TNFRSF11A: variants seen among roughly 807,000 people sequenced by gnomAD.
TNFRSF11A encodes the protein tumor necrosis factor receptor superfamily member 11A.
Under a neutral mutation model 55.7 loss-of-function variants are expected in TNFRSF11A, and 32 were observed. The ratio of observed to expected loss-of-function variants is 0.57; its 90% confidence interval spans 0.43 to 0.77. The LOEUF (loss-of-function observed/expected upper bound fraction) is 0.77, where lower values mean the gene tolerates loss of function less well. Ranked by LOEUF, TNFRSF11A falls within the 30% of genes least tolerant of loss-of-function variation. The pLI, the probability that TNFRSF11A is intolerant of heterozygous loss-of-function variation, is 0.00. For missense variants in TNFRSF11A, 753 were observed against 809.8 expected, an observed-to-expected ratio of 0.93 and a Z score of 0.85; for synonymous variants, 311 against 331.0, an observed-to-expected ratio of 0.94 and a Z score of 0.65.
At chr18:62,331,925 A>G (rs1168163374) in intron 1 of TNFRSF11A, among the ~76,000 whole-genome samples, 2 of 152,258 alleles carry the variant, frequency 1.3e-5, no homozygotes, top group Admixed American at 1.3e-4. Context: ...GCAAAGGGAC[A>G]GAGCTGCCAG....
intron 9 of TNFRSF11A, among the ~76,000 whole-genome samples, chr18:62,381,459 A>C (rs1002592066): frequency 5.3e-5 from 8 of 152,236 alleles, no homozygotes; most frequent in African/African-American, 1.9e-4. Flanking sequence ...TAAGCAGATA[A>C]ATCAGTGAGG....
chr18:62,367,304 A>G (rs1342469569), intron 8 of TNFRSF11A: 7 of 164,352 alleles, frequency 4.3e-5, no homozygotes, highest in Non-Finnish European at 9.3e-5. Context: ...CTCTGTGTTC[A>G]TGTCATTTTT....
chr18:62,362,168 G>A (rs1039422600), intron 7 of TNFRSF11A, among the ~76,000 whole-genome samples: 7 of 152,044 alleles, frequency 4.6e-5, no homozygotes, highest in African/African-American at 9.7e-5. Context: ...ACCGGTAGGG[G>A]GGAATTTCTG....
Position 62,325,833 on chromosome 18 carries a change from C to G in TNFRSF11A, c.75+406C>G, listed in dbSNP as rs2046065502. Among the ~76,000 whole-genome samples the G allele has an allele frequency of 6.6e-6, 1 of 152,248 alleles. No individual in the cohort carries two copies. The highest frequency in any genetic ancestry group is 2.4e-5 in the African/African-American group (1 of 41,480). ...ATAACCGTTCCCGATACGATTTCTC[C>G]CGGGTGGCCTCCGTCCCAAATTTCC... On this transcript the variant is annotated intron_variant, in intron 1 of 9. Transcript: ENST00000586569. The surrounding 1 kb of genome is among the most constrained non-coding windows in gnomAD (Gnocchi z 4.7).
At chr18:62,331,076 T>C (rs565145837) in intron 1 of TNFRSF11A, among the ~76,000 whole-genome samples, 4 of 152,090 alleles carry the variant, frequency 2.6e-5, no homozygotes, top group Admixed American at 6.5e-5. Context: ...TGAGGGTACA[T>C]GCCTGTAATC....
chr18:62,380,428 G>A (rs1370578597), intron 9 of TNFRSF11A, among the ~76,000 whole-genome samples: 1 of 150,952 alleles, frequency 6.6e-6, no homozygotes, highest in East Asian at 1.9e-4. Flanking sequence ...CATCTTAACG[G>A]TCAGGAATTT....
Position 62,369,401 on chromosome 18 carries a change from A to T in TNFRSF11A, c.1484A>T (p.Asp495Val), listed in dbSNP as rs370602534. Residue 495 changes from aspartate (D) to valine (V), a missense_variant, in exon 9 of 10, where the codon GAT becomes GTT. Transcript: ENST00000586569. ...SRTEARDQPEDGADGRLPSSA... is the reference protein window; with the variant it reads ...SRTEARDQPEVGADGRLPSSA... ...ACGGAGGCCAGAGACCAGCCCGAGG[A>T]TGGGGCTGATGGGAGGCTCCCAAGC... 2.4e-5 allele frequency: 38 copies of T among 1,611,594 alleles called. No homozygotes were observed. The highest frequency in any genetic ancestry group is 3.1e-5 in the Non-Finnish European group (36 of 1,179,996).
chr18:62,347,235 A>G (rs1342943798), intron 1 of TNFRSF11A, among the ~76,000 whole-genome samples: 3 of 152,154 alleles, frequency 2.0e-5, no homozygotes, highest in African/African-American at 4.8e-5. Flanking sequence ...TGTGGTGTGC[A>G]TACGTGGATG....
chr18:62,369,464 G>C lies in TNFRSF11A; in HGVS notation c.1547G>C (p.Gly516Ala). 1.2e-6 allele frequency: 2 copies of C among 1,608,150 alleles called. No homozygotes were observed. Among genetic ancestry groups the C allele is most frequent in the East Asian group, 2.2e-5 (1 of 44,890 alleles). ...GGTGCCGGGTCTGGAAGCTCCCCTG[G>C]TGGCCAGTCCCCTGCATCTGGTAAG... ...RAGAGSGSSP[G>A]GQSPASGNVT... Residue 516 changes from glycine to alanine, a missense_variant, in exon 9 of 10, where the codon GGT (glycine) becomes GCT (alanine). Around this residue, in one of 3 missense-constraint regions of TNFRSF11A, gnomAD observed 567 missense variants for 596.7 expected, o/e 0.95. Transcript: ENST00000586569.
intron 9 of TNFRSF11A, among the ~76,000 whole-genome samples, chr18:62,382,174 G>A (rs375024889): frequency 3.5e-5 from 5 of 140,970 alleles, no homozygotes; most frequent in Non-Finnish European, 7.5e-5. Context: ...GCAGTGGCGC[G>A]ATCTTGACTC....
Position 62,348,308 on chromosome 18 carries a change from AT to A in TNFRSF11A, c.157+65del. ...CTCAAAAGTGGGTGAGGCTTTCATT[AT>A]TTTTTCTGTCTGCCAGATGAAAAAA... On this transcript the variant is annotated intron_variant, in intron 2 of 9. Coordinates refer to ENST00000586569, the MANE Select transcript of TNFRSF11A (RefSeq NM_003839.4). 4 of 1,487,524 alleles carry A rather than the reference AT, an allele frequency of 2.7e-6. No homozygotes were observed. In the South Asian group the frequency reaches 4.5e-5, roughly 17 times the overall value. The allele number at this position is 1,487,524 out of a possible 1,614,324, so 92.1% of individuals were successfully genotyped here.
At chr18:62,352,106 G>T (rs2046482937) in intron 3 of TNFRSF11A, among the ~76,000 whole-genome samples, 1 of 152,208 alleles carries the variant, frequency 6.6e-6, no homozygotes, top group Non-Finnish European at 1.5e-5. Flanking sequence ...GCAATAACTG[G>T]TTGTAATGGT....
intron 9 of TNFRSF11A, among the ~76,000 whole-genome samples, chr18:62,380,716 G>A (rs936570544): frequency 7.9e-5 from 12 of 152,022 alleles, no homozygotes; most frequent in South Asian, 2.1e-4. Context: ...GATTACAGGC[G>A]TGAGCCACTG....
chr18:62,327,759 A>G (rs2046096496), intron 1 of TNFRSF11A, among the ~76,000 whole-genome samples: 1 of 152,226 alleles, frequency 6.6e-6, no homozygotes, highest in Non-Finnish European at 1.5e-5. Context: ...ATTTAGTTTC[A>G]TTTTTATTAT....
Position 62,358,326 on chromosome 18 carries a change from G to T in TNFRSF11A, c.506G>T (p.Cys169Phe). The change falls in exon 5 of 10, where the codon TGC (cysteine) becomes TTC (phenylalanine). Residue 169 changes from cysteine to phenylalanine, a missense_variant. Cys to Phe is a radical substitution (Grantham distance 205, BLOSUM62 -2). Around this residue, in one of 3 missense-constraint regions of TNFRSF11A, gnomAD observed 567 missense variants for 596.7 expected, o/e 0.95. Transcript: ENST00000586569. ...FSDAFSSTDK[C>F]RPWTNCTFLG... Reference sequence around the variant, plus strand: ...GATGCCTTTTCCTCCACGGACAAATGCAGACCCTGGACCAAGTAAGTAACA... The same window carrying T: ...GATGCCTTTTCCTCCACGGACAAATTCAGACCCTGGACCAAGTAAGTAACA... The T allele has an allele frequency of 6.2e-7, 1 of 1,601,608 alleles. No homozygotes were observed. Among genetic ancestry groups the T allele is most frequent in the Non-Finnish European group, 8.5e-7 (1 of 1,172,876 alleles).
At chr18:62,370,535 GCCTTAA>G in intron 9 of TNFRSF11A, among the ~76,000 whole-genome samples, 1 of 152,292 alleles carries the variant, frequency 6.6e-6, no homozygotes, top group South Asian at 2.1e-4. Context: ...CTAGATCTGT[GCCTTAA>G]ACACAGAGAC....
At position 62,325,440 on chromosome 18, in the gene TNFRSF11A, C is replaced by A; in HGVS notation, c.75+13C>A. The A allele has an allele frequency of 8.0e-7, 1 of 1,254,686 alleles. No individual in the cohort carries two copies. The highest frequency in any genetic ancestry group is 1.8e-5 in the South Asian group (1 of 55,994). 77.7% of individuals were successfully genotyped at this position (1,254,686 alleles called of 1,614,324 possible). On this transcript the variant is annotated intron_variant, in intron 1 of 9. Transcript: ENST00000586569. This position sits in a 1 kb window ranked among gnomAD's most constrained non-coding sequence, Gnocchi z 4.7. ...CGCCCGGCTGCAGGTAAGGAGCGCC[C>A]GCGCCTGCCGGGCCGCGCGGCCCGA...
At chr18:62,340,792 G>A (rs2046300381) in intron 1 of TNFRSF11A, among the ~76,000 whole-genome samples, 1 of 152,198 alleles carries the variant, frequency 6.6e-6, no homozygotes, top group Non-Finnish European at 1.5e-5. Flanking sequence ...AGTTTTTAAT[G>A]TGTTACATGA....
intron 1 of TNFRSF11A, among the ~76,000 whole-genome samples, chr18:62,326,228 A>T (rs1460104935): frequency 6.6e-6 from 1 of 152,154 alleles, no homozygotes; most frequent in Admixed American, 6.5e-5. Context: ...GCTGGGTCAG[A>T]TTTCCCCTCT....
Sources: allele counts gnomAD v4.1 joint callset (sites outside exome capture counted in the v4.1 genomes callset), GRCh38; gene constraint gnomAD v4.1.1; regional missense constraint gnomAD v4.1.1; non-coding constraint Gnocchi (gnomAD v3.1); transcripts MANE v1.5; gene names NCBI Gene and HGNC (gene_info 2026-07-23, HGNC 2026-07-21).